The following MRPL54 variants were observed in gnomAD, a reference collection of about 807,000 sequenced individuals.
MRPL54 encodes the protein mitochondrial ribosomal protein L54.
In MRPL54, 12 loss-of-function variants were observed where a neutral mutation model predicts 15.6. The observed-to-expected ratio is 0.77, with a 90% confidence interval of 0.49 to 1.24. The LOEUF (loss-of-function observed/expected upper bound fraction) is 1.24. Ranked by LOEUF, MRPL54 falls within the 50% of genes most tolerant of loss-of-function variation. The pLI, the probability that MRPL54 is intolerant of heterozygous loss-of-function variation, is 0.00. For synonymous variants in MRPL54, 91 were observed against 75.7 expected, an observed-to-expected ratio of 1.20 and a Z score of -1.05; for missense variants, 178 against 186.8, an observed-to-expected ratio of 0.95 and a Z score of 0.28.
At chr19:3,766,206 T>C (rs1208547771) in intron 2 of MRPL54, among the ~76,000 whole-genome samples, 3 of 151,872 alleles carry the variant, frequency 2.0e-5, no homozygotes, top group African/African-American at 7.3e-5. Context: ...GCCTCCCGAG[T>C]AGCTGGGATT....
At chr19:3,765,384 A>C in intron 2 of MRPL54, 53 bp downstream of exon 2, 1 of 1,579,372 alleles carries the variant, frequency 6.3e-7, no homozygotes, top group Non-Finnish European at 8.7e-7. Flanking sequence ...CCTCCGCCCC[A>C]GGAGGACCCC....
Position 3,762,747 on chromosome 19 carries a change from G to A in MRPL54, c.47G>A (p.Trp16Ter), listed in dbSNP as rs750019549. The change falls in exon 1 of 3, where the codon TGG becomes TAG. Residue 16 changes from tryptophan (W) to a stop codon, truncating the protein, a stop_gained. Coordinates refer to ENST00000330133, the MANE Select transcript of MRPL54 (RefSeq NM_172251.3). LOFTEE classifies it high-confidence loss of function. The part of the protein sequence containing the change: ...LFGATRTWAG[W>*]GAWELLNPAT... Reference sequence around the variant, plus strand: ...GGGGCTACCCGGACGTGGGCCGGCTGGGGGGCCTGGGAGCTCCTAAACCCC... The same window carrying A: ...GGGGCTACCCGGACGTGGGCCGGCTAGGGGGCCTGGGAGCTCCTAAACCCC... 5.0e-6 allele frequency: 8 copies of A among 1,610,028 alleles called. No individual in the cohort carries two copies. The Admixed American group carries it at 1.2e-4, about 24-fold the overall frequency.
intron 2 of MRPL54, among the ~76,000 whole-genome samples, chr19:3,766,961 G>A (rs2037203827): frequency 6.6e-6 from 1 of 152,208 alleles, no homozygotes; most frequent in Non-Finnish European, 1.5e-5. Context: ...TCTGAAGGCT[G>A]GGGAGGGTCA....
Position 3,764,831 on chromosome 19 carries a change from A to C in MRPL54, c.119-335A>C, listed in dbSNP as rs1293954846. ...ATCACGAGGTCAGGAGATCGAGACC[A>C]TCCTGGCTAACACGGTGAAACCCCG... is the stretch of plus-strand genomic sequence containing the variant. On this transcript the variant is annotated intron_variant, in intron 1 of 2. Transcript: ENST00000330133. Among the ~76,000 whole-genome samples, 3 of 151,854 alleles carry C rather than the reference A, an allele frequency of 2.0e-5. No individual in the cohort carries two copies. In the East Asian group the frequency reaches 5.9e-4, roughly 30 times the overall value.
intron 2 of MRPL54, among the ~76,000 whole-genome samples, chr19:3,765,657 G>A (rs2037191840): frequency 6.6e-6 from 1 of 152,080 alleles, no homozygotes; most frequent in Admixed American, 6.5e-5. Flanking sequence ...CCAGCACTTT[G>A]GGAGGCAAGG....
intron 1 of MRPL54, 90 bp from the exon 2 acceptor site, chr19:3,765,076 C>T: frequency 7.4e-7 from 1 of 1,343,670 alleles, no homozygotes; most frequent in Non-Finnish European, 1.0e-6. Flanking sequence ...CAGCCAGGGG[C>T]AGAGGCCACC....
In MRPL54 at chr19:3,762,760, G is replaced by C. The variant is rs752401811; in HGVS notation, c.60G>C (p.Glu20Asp). ...TRTWAGWGAW[E>D]LLNPATSGRL... ...CGTGGGCCGGCTGGGGGGCCTGGGA[G>C]CTCCTAAACCCCGCCACTTCCGGAA... The change falls in exon 1 of 3, where the codon GAG becomes GAC. Residue 20 changes from glutamate to aspartate, a missense_variant. Transcript: ENST00000330133. 6.2e-7 allele frequency: 1 copy of C among 1,610,496 alleles called. No homozygotes were observed. Among genetic ancestry groups the C allele is most frequent in the East Asian group, 2.2e-5 (1 of 44,588 alleles).
intron 1 of MRPL54, among the ~76,000 whole-genome samples, chr19:3,764,164 G>C (rs74178433): frequency 1.3e-5 from 2 of 151,188 alleles, no homozygotes; most frequent in African/African-American, 2.4e-5. Flanking sequence ...CTCACTGCAA[G>C]CTCCGCCTCC....
At chr19:3,763,118 A>G (rs1401620271) in intron 1 of MRPL54, among the ~76,000 whole-genome samples, 6 of 152,226 alleles carry the variant, frequency 3.9e-5, no homozygotes, top group Non-Finnish European at 8.8e-5. Flanking sequence ...CGCGGGTTGG[A>G]AAGGATTTGA....
At position 3,765,247 on chromosome 19, in the gene MRPL54, A is replaced by G. The variant is rs2037188012; in HGVS notation, c.200A>G (p.Gln67Arg). 6.2e-7 allele frequency: 1 copy of G among 1,613,900 alleles called. No homozygotes were observed. The highest frequency in any genetic ancestry group is 8.5e-7 in the Non-Finnish European group (1 of 1,179,976). Residue 67 changes from glutamine to arginine, a missense_variant, in exon 2 of 3, where the codon CAG becomes CGG. By Grantham distance (43) the Gln-to-Arg change is conservative. Transcript: ENST00000330133. ...CCCGACGTATGCACAGATCCTGTCC[A>G]GCTCACCACATATGCCATGGGCGTC... The part of the protein sequence containing the change: ...KDPDVCTDPV[Q>R]LTTYAMGVNI...
Position 3,762,799 on chromosome 19 carries a change from G to A in MRPL54, c.99G>A (p.Arg33=). The part of the protein sequence containing the change: ...NPATSGRLLA[R]DYAKKPVMKG... ...CCACTTCCGGAAGACTCCTGGCCCG[G>A]GATTATGCCAAGAAACCAGGTGAGC... Residue 33 remains arginine, a synonymous_variant, in exon 1 of 3, where the codon CGG becomes CGA. Transcript: ENST00000330133. The A allele has an allele frequency of 1.3e-6, 2 of 1,587,576 alleles. No homozygotes were observed. Among genetic ancestry groups the A allele is most frequent in the Non-Finnish European group, 1.7e-6 (2 of 1,166,222 alleles).
At chr19:3,766,274 C>T (rs1568398747) in intron 2 of MRPL54, among the ~76,000 whole-genome samples, 2 of 152,144 alleles carry the variant, frequency 1.3e-5, no homozygotes, top group African/African-American at 4.8e-5. Flanking sequence ...GACAGGGTTT[C>T]ACCATGTTTG....
chr19:3,764,304 CAA>C (rs1348480979), intron 1 of MRPL54, among the ~76,000 whole-genome samples: 3 of 151,924 alleles, frequency 2.0e-5, no homozygotes, highest in Non-Finnish European at 4.4e-5. Context: ...AGGATGGTCT[CAA>C]CCTCCTGACC....
At chr19:3,764,549 A>G (rs1414634952) in intron 1 of MRPL54, among the ~76,000 whole-genome samples, 5 of 151,652 alleles carry the variant, frequency 3.3e-5, no homozygotes, top group African/African-American at 1.2e-4. Context: ...CTGGGATCAC[A>G]GGCATATGCC....
At position 3,767,355 on chromosome 19, in the gene MRPL54, T is replaced by G; in HGVS notation, c.379T>G (p.Trp127Gly). The change falls in exon 3 of 3, where the codon TGG (tryptophan) becomes GGG (glycine). Residue 127 changes from tryptophan (W) to glycine (G), a missense_variant. Coordinates refer to ENST00000330133, the MANE Select transcript of MRPL54 (RefSeq NM_172251.3). ...GCGGCGGCTGCGGAAACAGAACATC[T>G]GGCGCCACAACCGGCTGAGCAAGAA... ...YWRRLRKQNIWRHNRLSKNKR... is the reference protein window; with the variant it reads ...YWRRLRKQNIGRHNRLSKNKR... 2.5e-6 allele frequency: 4 copies of G among 1,610,296 alleles called. No homozygotes were observed. Among genetic ancestry groups the G allele is most frequent in the Non-Finnish European group, 3.4e-6 (4 of 1,178,602 alleles).
chr19:3,767,393 G>C lies in MRPL54; in HGVS notation c.417G>C (p.Ter139TyrextTer50). Residue 139 changes from the stop codon to tyrosine (Y), a stop_lost, in exon 3 of 3, where the codon TAG (stop) becomes TAC (tyrosine). Transcript: ENST00000330133. ...HNRLSKNKRL[*>Y] Reference sequence around the variant, plus strand: ...GGCTGAGCAAGAACAAGAGGTTGTAGCATGGAGGGCCCGGCATCGCTGACC... The same window carrying C: ...GGCTGAGCAAGAACAAGAGGTTGTACCATGGAGGGCCCGGCATCGCTGACC... 2 of 1,609,296 alleles carry C rather than the reference G, an allele frequency of 1.2e-6. No individual in the cohort carries two copies.
Position 3,765,310 on chromosome 19 carries a change from C to T in MRPL54, c.263C>T (p.Pro88Leu), listed in dbSNP as rs1377643666. Residue 88 changes from proline (P) to leucine (L), a missense_variant, in exon 2 of 3, where the codon CCG (proline) becomes CTG (leucine). Coordinates refer to ENST00000330133, the MANE Select transcript of MRPL54 (RefSeq NM_172251.3). The part of the protein sequence containing the change: ...YKEGQDVPLK[P>L]DAEYPEWLFE... ...GAAGGGCAGGATGTACCCCTGAAAC[C>T]GGATGCTGAGTACCCTGAATGGTGA... is the stretch of plus-strand genomic sequence containing the variant. 7.4e-6 allele frequency: 12 copies of T among 1,613,674 alleles called. No homozygotes were observed. Among genetic ancestry groups the T allele is most frequent in the East Asian group, 2.2e-5 (1 of 44,852 alleles).
intron 2 of MRPL54, 147 bp from the exon 3 acceptor site, chr19:3,767,114 G>T: frequency 9.7e-7 from 1 of 1,028,014 alleles, no homozygotes; most frequent in Non-Finnish European, 1.4e-6. Context: ...ACCCAGCCCA[G>T]GGTCGGGGAG....
chr19:3,766,855 T>A (rs1282651884), intron 2 of MRPL54, among the ~76,000 whole-genome samples: 1 of 152,120 alleles, frequency 6.6e-6, no homozygotes, highest in African/African-American at 2.4e-5. Context: ...CGGGGAGGCC[T>A]GTGTGGCTGG....
Sources: allele counts gnomAD v4.1 joint callset (sites outside exome capture counted in the v4.1 genomes callset), GRCh38; gene constraint gnomAD v4.1.1; transcripts MANE v1.5; gene names NCBI Gene and HGNC (gene_info 2026-07-23, HGNC 2026-07-21).